MAGI2: variants seen among roughly 807,000 people sequenced by gnomAD.
MAGI2 encodes membrane associated guanylate kinase, WW and PDZ domain containing 2.
Under a neutral mutation model 133.3 loss-of-function variants are expected in MAGI2, and 35 were observed. That is an observed-to-expected ratio of 0.26 (90% CI 0.20 to 0.35). MAGI2 has a LOEUF of 0.35. MAGI2 is among the 10% of genes least tolerant of loss of function. The pLI, the probability that MAGI2 is intolerant of heterozygous loss-of-function variation, is 1.00. For missense variants in MAGI2, 1,636 were observed against 1,863.4 expected (o/e 0.88, Z 2.25); for synonymous variants, 729 against 710.6 (o/e 1.03, Z -0.41).
chr7:78,070,650 T>A (rs924010353), intron 21 of MAGI2, among the ~76,000 whole-genome samples: 1,578 of 93,742 alleles, frequency 0.017, 16 homozygotes, highest in South Asian at 0.092. Flanking sequence ...ATATATTTTT[T>A]TTTTTTTTTT....
intron 9 of MAGI2, among the ~76,000 whole-genome samples, chr7:78,264,090 C>G (rs1019165469): frequency 5.3e-5 from 8 of 152,106 alleles, no homozygotes; most frequent in Non-Finnish European, 1.2e-4. Flanking sequence ...TAGCGTGATT[C>G]TTCAATCCAT....
chr7:78,803,907 C>A lies in MAGI2; in HGVS notation c.419-176668G>T, dbSNP rs116043339. 4.6e-3 allele frequency among the ~76,000 whole-genome samples: 700 copies of A among 152,272 alleles called. 7 individuals are homozygous for A. Among genetic ancestry groups the A allele is most frequent in the African/African-American group, 0.016 (665 of 41,550 alleles). The stretch of plus-strand genomic sequence containing the variant: ...AGTATTAAAATTGTGATAGCTGGGA[C>A]ACGGAATAAGAAAGCCATGCTTAAA... On this transcript the variant is annotated intron_variant, in intron 2 of 21. Transcript: ENST00000354212.
chr7:79,104,769 G>A (rs1818305074), intron 1 of MAGI2, among the ~76,000 whole-genome samples: 1 of 152,152 alleles, frequency 6.6e-6, no homozygotes, highest in Non-Finnish European at 1.5e-5. Flanking sequence ...ATGAGAGAAT[G>A]AGGAAAGGAC....
intron 1 of MAGI2, among the ~76,000 whole-genome samples, chr7:79,364,593 C>T (rs1393694284): frequency 1.3e-5 from 2 of 151,888 alleles, no homozygotes; most frequent in Non-Finnish European, 2.9e-5. Context: ...AAGAGATAGA[C>T]ATATAGATCA....
intron 2 of MAGI2, among the ~76,000 whole-genome samples, chr7:78,879,545 G>GATA (rs1266092746): frequency 2.6e-5 from 4 of 151,172 alleles, no homozygotes; most frequent in Non-Finnish European, 3.0e-5. Flanking sequence ...GGAAAATAAT[G>GATA]ATAATAATAA....
intron 21 of MAGI2, among the ~76,000 whole-genome samples, chr7:78,029,765 G>A (rs531698728): frequency 5.6e-4 from 86 of 152,362 alleles, no homozygotes; most frequent in African/African-American, 2.0e-3. Context: ...CTCTACTCTG[G>A]TGGTAGAAAG....
At chr7:78,244,167 T>TAAAAAAAAA (rs535442682) in intron 10 of MAGI2, among the ~76,000 whole-genome samples, 27 of 68,818 alleles carry the variant, frequency 3.9e-4, no homozygotes, top group South Asian at 5.7e-4. Flanking sequence ...CTATTTAAAT[T>TAAAAAAAAA]AAAAAAAAAA....
intron 6 of MAGI2, among the ~76,000 whole-genome samples, chr7:78,396,516 A>G (rs1273846732): frequency 6.6e-6 from 1 of 152,162 alleles, no homozygotes; most frequent in Non-Finnish European, 1.5e-5. Flanking sequence ...CTCCTTTCAC[A>G]TATCACATGC....
At chr7:79,324,363 G>T in intron 1 of MAGI2, among the ~76,000 whole-genome samples, 1 of 147,690 alleles carries the variant, frequency 6.8e-6, no homozygotes, top group Non-Finnish European at 1.5e-5. Flanking sequence ...ATGTATGTGT[G>T]TGTATGTATA....
intron 21 of MAGI2, among the ~76,000 whole-genome samples, chr7:78,056,690 T>G (rs1584963306): frequency 6.6e-6 from 1 of 152,060 alleles, no homozygotes; most frequent in East Asian, 1.9e-4. Flanking sequence ...AAGGAGAGCA[T>G]CAGGAAGAAC....
intron 1 of MAGI2, among the ~76,000 whole-genome samples, chr7:79,420,340 C>T (rs530520458): frequency 6.6e-6 from 1 of 151,898 alleles, no homozygotes; most frequent in Non-Finnish European, 1.5e-5. Context: ...ACATTAAAAT[C>T]AGCCTGTTAC....
intron 9 of MAGI2, among the ~76,000 whole-genome samples, chr7:78,332,456 C>T (rs894017154): frequency 7.2e-5 from 11 of 152,188 alleles, no homozygotes; most frequent in Middle Eastern, 3.4e-3. Context: ...CCCAGCATTT[C>T]GGGAGGCCGA....
At chr7:78,375,551 C>G (rs1474019651) in intron 6 of MAGI2, among the ~76,000 whole-genome samples, 4 of 151,828 alleles carry the variant, frequency 2.6e-5, no homozygotes, top group African/African-American at 9.7e-5. Context: ...TCCTTCAACC[C>G]TATATTATTT....
chr7:79,055,862 G>A (rs987916126), intron 1 of MAGI2, among the ~76,000 whole-genome samples: 2 of 152,150 alleles, frequency 1.3e-5, no homozygotes, highest in African/African-American at 4.8e-5. Context: ...TGGTCCAGGT[G>A]TTCTGAAGTT....
At chr7:78,395,833 T>G (rs895921156) in intron 6 of MAGI2, among the ~76,000 whole-genome samples, 1 of 152,188 alleles carries the variant, frequency 6.6e-6, no homozygotes, top group African/African-American at 2.4e-5. Flanking sequence ...AATGTTTCTT[T>G]TGGGTAAAGT....
chr7:78,283,592 G>A (rs1436400711), intron 9 of MAGI2, among the ~76,000 whole-genome samples: 18 of 152,022 alleles, frequency 1.2e-4, no homozygotes, highest in East Asian at 1.9e-4. Flanking sequence ...TTTAAATTTC[G>A]TGTTTCTCCG....
intron 2 of MAGI2, among the ~76,000 whole-genome samples, chr7:78,956,606 G>C (rs1377253551): frequency 6.6e-6 from 1 of 152,090 alleles, no homozygotes; most frequent in Non-Finnish European, 1.5e-5. Flanking sequence ...TTCCCTTGTA[G>C]TGTGGCTAAG....
intron 1 of MAGI2, among the ~76,000 whole-genome samples, chr7:79,132,721 C>A (rs58800062): frequency 0.08 from 12,123 of 152,020 alleles, 1,039 homozygotes; most frequent in African/African-American, 0.21. Flanking sequence ...AAAGTTTAAA[C>A]TGTATTGTTT....
At chr7:78,469,718 T>G (rs1457587619) in intron 6 of MAGI2, among the ~76,000 whole-genome samples, 2 of 152,162 alleles carry the variant, frequency 1.3e-5, no homozygotes, top group African/African-American at 4.8e-5. Flanking sequence ...AACTGCATTA[T>G]ATTAACTTTA....
Sources: allele counts gnomAD v4.1 joint callset (sites outside exome capture counted in the v4.1 genomes callset), GRCh38; gene constraint gnomAD v4.1.1; transcripts MANE v1.5; gene names NCBI Gene and HGNC (gene_info 2026-07-23, HGNC 2026-07-21).